Variants in HUWE1 observed in about 807,000 individuals in gnomAD.
HUWE1 encodes HECT, UBA and WWE domain containing E3 ubiquitin protein ligase 1.
HUWE1 carries 18 observed loss-of-function variants against 299.4 expected under a neutral mutation model. The ratio of observed to expected loss-of-function variants is 0.06; its 90% confidence interval spans 0.04 to 0.09. HUWE1 has a LOEUF of 0.09. Ranked by LOEUF, HUWE1 falls within the 10% of genes least tolerant of loss-of-function variation. The pLI is 1.00. For synonymous variants in HUWE1, 1,317 were observed against 1,286.1 expected (o/e 1.02, Z -0.51); for missense variants, 1,832 against 3,462.3 (o/e 0.53, Z 11.82).
In HUWE1 at chrX:53,583,765, G is replaced by A. The variant is rs1556970344; in HGVS notation, c.5313C>T (p.Asp1771=). 6.6e-6 allele frequency: 8 copies of A among 1,210,523 alleles called. No homozygotes were observed. Among genetic ancestry groups the A allele is most frequent in the Non-Finnish European group, 8.9e-6 (8 of 894,823 alleles). Residue 1771 remains aspartate, a synonymous_variant, in exon 42 of 84, where the codon GAC becomes GAT. Transcript: ENST00000262854. ...ACVSMLGVPV[D]PDTLHATLRL... is the part of the protein sequence containing the mutation. ...GAAGGGTGGCATGCAAAGTATCTGGGTCCACAGGGACTCCCAGCATGCTCA... is the reference window on the plus strand; with the variant it reads ...GAAGGGTGGCATGCAAAGTATCTGGATCCACAGGGACTCCCAGCATGCTCA...
chrX:53,553,580 C>T (rs978650156), intron 61 of HUWE1, among the ~76,000 whole-genome samples: 42 of 107,131 alleles, frequency 3.9e-4, no homozygotes, highest in African/African-American at 1.3e-3. Context: ...GAGGCCGAGG[C>T]GGGTGGATCA....
rs782252163 is a variant in HUWE1 at position 53,533,974 on chromosome X, C to A, written c.13022+33G>T. 12 of 1,168,337 alleles carry A rather than the reference C, an allele frequency of 1.0e-5. No individual in the cohort carries two copies. The South Asian group carries it at 1.6e-4, about 16-fold the overall frequency. On this transcript the variant is annotated intron_variant, in intron 83 of 83. Coordinates refer to ENST00000262854, the MANE Select transcript of HUWE1 (RefSeq NM_031407.7). The stretch of plus-strand genomic sequence containing the variant: ...ATCAAGTATGCAAGCTCAACCTAAG[C>A]ACTGAAAAGGAGAAACAAACCCTTC...
At chrX:53,616,843 T>A in intron 21 of HUWE1, 127 bp downstream of exon 21, 2 of 519,470 alleles carry the variant, frequency 3.9e-6, no homozygotes, top group Middle Eastern at 5.0e-4. Context: ...TATAATAGAA[T>A]GTATGATGAT....
Position 53,631,046 on chromosome X carries a change from T to G in HUWE1, c.763-12A>C, listed in dbSNP as rs2066842042. On this transcript the variant is annotated splice_polypyrimidine_tract_variant and intron_variant, in intron 11 of 83. Coordinates refer to ENST00000262854, the MANE Select transcript of HUWE1 (RefSeq NM_031407.7). ...GTAAATAACAGCATCTGTAGAGAGATAAGACATACATTTTAAAAACATCAA... is the reference window on the plus strand; with the variant it reads ...GTAAATAACAGCATCTGTAGAGAGAGAAGACATACATTTTAAAAACATCAA... The G allele has an allele frequency of 9.9e-7, 1 of 1,008,855 alleles. No individual in the cohort carries two copies. The highest frequency in any genetic ancestry group is 1.4e-6 in the Non-Finnish European group (1 of 710,375). 83.1% of individuals were successfully genotyped at this position (1,008,855 alleles called of 1,213,427 possible).
At chrX:53,631,082 G>A in intron 11 of HUWE1, 48 bp from the exon 12 acceptor site, 1 of 783,944 alleles carries the variant, frequency 1.3e-6, no homozygotes. Flanking sequence ...TGAAAAAGGT[G>A]AATATTCTTT....
chrX:53,598,709 T>TG (rs2064642512), intron 29 of HUWE1, among the ~76,000 whole-genome samples: 1 of 112,000 alleles, frequency 8.9e-6, no homozygotes, highest in Non-Finnish European at 1.9e-5. Context: ...GTTAAGTTTT[T>TG]GGGGAGTCAA....
At chrX:53,683,331 T>C (rs2070284858) in intron 2 of HUWE1, among the ~76,000 whole-genome samples, 1 of 110,769 alleles carries the variant, frequency 9.0e-6, no homozygotes, top group Non-Finnish European at 1.9e-5. Context: ...CCCTAAGCCT[T>C]AGCTCTAAAA....
chrX:53,554,319 A>G (rs952121208), intron 61 of HUWE1, among the ~76,000 whole-genome samples: 1 of 110,165 alleles, frequency 9.1e-6, no homozygotes, highest in Non-Finnish European at 1.9e-5. Context: ...TCAGCCTCCC[A>G]AAGTGCTGGG....
intron 33 of HUWE1, 34 bp downstream of exon 33, chrX:53,592,364 G>T: frequency 9.4e-7 from 1 of 1,062,102 alleles, no homozygotes; most frequent in Non-Finnish European, 1.3e-6. Context: ...TGGGTGCAAA[G>T]TCTGGACCCT....
Position 53,580,864 on chromosome X carries a change from T to C in HUWE1, c.5683A>G (p.Ile1895Val). The C allele has an allele frequency of 8.3e-7, 1 of 1,211,530 alleles. No homozygotes were observed. Among genetic ancestry groups the C allele is most frequent in the Non-Finnish European group, 1.1e-6 (1 of 895,469 alleles). ...GAGCCTCGAGGGGCAGGAAGGGCGA[T>C]GCGGATACAGCAGTTGGCCACTTCT... ...FTEVANCCIR[I>V]ALPAPRGSGT... The change falls in exon 43 of 84, where the codon ATC becomes GTC. Residue 1895 changes from isoleucine to valine, a missense_variant. Physicochemically the swap from Ile to Val is conservative, Grantham distance 29 (BLOSUM62 3). This residue lies in a region of HUWE1 where 47 missense variants were observed against 45.8 expected (regional missense o/e 1.03). Transcript: ENST00000262854.
intron 5 of HUWE1, 146 bp from the exon 6 acceptor site, chrX:53,647,720 ACT>A: frequency 1.9e-6 from 1 of 522,967 alleles, no homozygotes; most frequent in Non-Finnish European, 3.4e-6. Context: ...GAAAGATCAT[ACT>A]CTGAGCTAAA....
Position 53,561,743 on chromosome X carries a change from C to T in HUWE1, c.7507+13G>A. The T allele has an allele frequency of 8.3e-7, 1 of 1,210,679 alleles. No homozygotes were observed. Among genetic ancestry groups the T allele is most frequent in the Non-Finnish European group, 1.1e-6 (1 of 895,010 alleles). Reference sequence around the variant, plus strand: ...TCAAGAGAGAAAAACCCAGCTGAGCCCCTGTATCTTACTAGCACTGGAGAA... The same window carrying T: ...TCAAGAGAGAAAAACCCAGCTGAGCTCCTGTATCTTACTAGCACTGGAGAA... On this transcript the variant is annotated intron_variant, in intron 55 of 83. Coordinates refer to ENST00000262854, the MANE Select transcript of HUWE1 (RefSeq NM_031407.7).
intron 31 of HUWE1, among the ~76,000 whole-genome samples, chrX:53,594,028 C>T (rs868956491): frequency 1.8e-5 from 2 of 110,643 alleles, no homozygotes; most frequent in Non-Finnish European, 3.8e-5. Context: ...ACCCGGGAGG[C>T]GGACCTTGCA....
intron 81 of HUWE1, 68 bp downstream of exon 81, chrX:53,535,316 T>C: frequency 2.9e-6 from 2 of 692,511 alleles, no homozygotes; most frequent in South Asian, 2.1e-5. Context: ...AAAACATGCC[T>C]ATCAAATGAA....
At chrX:53,651,405 G>T (rs1310847786) in intron 4 of HUWE1, among the ~76,000 whole-genome samples, 1 of 110,914 alleles carries the variant, frequency 9.0e-6, no homozygotes, top group Non-Finnish European at 1.9e-5. Context: ...ATCCACTGGG[G>T]ATTGATTCTA....
Position 53,595,086 on chromosome X carries a change from CTCAAAT to C in HUWE1, c.3380+95_3380+100del. Reference sequence around the variant, plus strand: ...AGAGTAAACAAGGGACCTCCAAATTCTCAAATTCAGTGGCTCACACTCCATTTTAAG... The same window carrying C: ...AGAGTAAACAAGGGACCTCCAAATTCTCAGTGGCTCACACTCCATTTTAAG... On this transcript the variant is annotated intron_variant, in intron 30 of 83. Transcript: ENST00000262854. The C allele has an allele frequency of 4.1e-6, 3 of 738,074 alleles. No homozygotes were observed. In the South Asian group the frequency reaches 7.4e-5, roughly 18 times the overall value. 60.8% of individuals were successfully genotyped at this position (738,074 alleles called of 1,213,427 possible).
chrX:53,539,018 G>A lies in HUWE1; in HGVS notation c.11695C>T (p.Pro3899Ser). The change falls in exon 76 of 84, where the codon CCT becomes TCT. Residue 3899 changes from proline to serine, a missense_variant. By Grantham distance (74) the Pro-to-Ser change is moderately conservative (BLOSUM62 -1). Coordinates refer to ENST00000262854, the MANE Select transcript of HUWE1 (RefSeq NM_031407.7). Reference sequence around the variant, plus strand: ...TGGCTCTCACGGGTGTCTCGGACAGGAGGCTTGCTCTCCCGCTCTGTGGCA... The same window carrying A: ...TGGCTCTCACGGGTGTCTCGGACAGAAGGCTTGCTCTCCCGCTCTGTGGCA... ...VHATERESKP[P>S]VRDTRESQLA... 1 of 1,209,264 alleles carries A rather than the reference G, an allele frequency of 8.3e-7. No homozygotes were observed.
intron 23 of HUWE1, among the ~76,000 whole-genome samples, chrX:53,612,187 C>G (rs782244551): frequency 8.9e-6 from 1 of 111,737 alleles, no homozygotes; most frequent in Non-Finnish European, 1.9e-5. Context: ...TCTTCCTTCC[C>G]TAATAATTTA....
intron 3 of HUWE1, among the ~76,000 whole-genome samples, chrX:53,658,334 C>T (rs2068844214): frequency 9.0e-6 from 1 of 111,164 alleles, no homozygotes; most frequent in Non-Finnish European, 1.9e-5. Context: ...ATTAAAATTT[C>T]AACAAGTTAT....
Sources: gnomAD v4.1 joint callset for allele counts (sites outside exome capture counted in the v4.1 genomes callset) on GRCh38, gnomAD v4.1.1 for gene constraint, gnomAD v4.1.1 regional missense constraint, MANE v1.5 for transcripts, NCBI Gene and HGNC (gene_info 2026-07-23, HGNC 2026-07-21) for gene names.